The following GAS7 variants were observed in gnomAD, a reference collection of about 807,000 sequenced individuals.
GAS7 encodes the protein growth arrest specific 7, also known as growth arrest-specific protein 7.
Under a neutral mutation model 71.1 loss-of-function variants are expected in GAS7, and 28 were observed. That is an observed-to-expected ratio of 0.39 (90% CI 0.29 to 0.54). The LOEUF (loss-of-function observed/expected upper bound fraction) is 0.54, where lower values mean the gene tolerates loss of function less well. GAS7 is among the 20% of genes least tolerant of loss of function. The pLI, the probability that GAS7 is intolerant of heterozygous loss-of-function variation, is 0.62. For missense variants in GAS7, 436 were observed against 627.8 expected, an observed-to-expected ratio of 0.69 and a Z score of 3.27; for synonymous variants, 258 against 245.8, an observed-to-expected ratio of 1.05 and a Z score of -0.46.
chr17:10,160,848 G>A (rs930075150), intron 1 of GAS7, among the ~76,000 whole-genome samples: 13 of 151,908 alleles, frequency 8.6e-5, no homozygotes, highest in African/African-American at 1.7e-4. Context: ...CCCAAGTAGC[G>A]GGAACTGCTG....
chr17:10,108,076 C>A (rs1239205261), intron 1 of GAS7, among the ~76,000 whole-genome samples: 1 of 151,560 alleles, frequency 6.6e-6, no homozygotes, highest in East Asian at 1.9e-4. Flanking sequence ...CAGAGGGGGT[C>A]TGGGCAAGAG....
rs963772440 is a variant in GAS7, at chr17:9,913,833, AT to A, written c.*3394del. On this transcript the variant is annotated 3_prime_UTR_variant, in exon 14 of 14. Transcript: ENST00000432992. The stretch of plus-strand genomic sequence containing the variant: ...CTTGGAACACCATTTGGCTTAAGGA[AT>A]TTTTTTTTTCTTTTTAAATCAGGCT... The A allele has an allele frequency of 4.4e-4, 98 of 225,020 alleles. No homozygotes were observed. The highest frequency in any genetic ancestry group is 7.6e-4 in the East Asian group (12 of 15,798). The allele number at this position is 225,020 out of a possible 1,614,324, so 13.9% of individuals were successfully genotyped here.
chr17:10,056,390 G>A (rs1191428444), intron 1 of GAS7, among the ~76,000 whole-genome samples: 1 of 152,164 alleles, frequency 6.6e-6, no homozygotes, highest in Non-Finnish European at 1.5e-5. Context: ...AGCTACTCAG[G>A]AGGCCGAGGT....
At chr17:10,003,957 C>A (rs773797983) in intron 2 of GAS7, among the ~76,000 whole-genome samples, 2 of 152,194 alleles carry the variant, frequency 1.3e-5, no homozygotes, top group African/African-American at 2.4e-5. Context: ...CTTCCTCCAA[C>A]AATAACAATC....
intron 1 of GAS7, among the ~76,000 whole-genome samples, chr17:10,020,723 G>A (rs2072234265): frequency 6.6e-6 from 1 of 151,992 alleles, no homozygotes. Context: ...ACCAGCCTGG[G>A]CAACACGGTG....
intron 1 of GAS7, among the ~76,000 whole-genome samples, chr17:10,156,426 G>A (rs545260843): frequency 7.2e-5 from 11 of 152,220 alleles, no homozygotes; most frequent in East Asian, 1.9e-4. Context: ...TTCCAAACTC[G>A]TCAAGAGAAG....
At chr17:10,171,973 T>C (rs2074338078) in intron 1 of GAS7, among the ~76,000 whole-genome samples, 1 of 152,138 alleles carries the variant, frequency 6.6e-6, no homozygotes, top group African/African-American at 2.4e-5. Flanking sequence ...TGTCATCACT[T>C]TTGTCTTCAA....
intron 1 of GAS7, among the ~76,000 whole-genome samples, chr17:10,050,398 T>C (rs2073046208): frequency 6.6e-6 from 1 of 152,150 alleles, no homozygotes; most frequent in Admixed American, 6.5e-5. Flanking sequence ...TCACATCTCA[T>C]CATTTTACAG....
intron 2 of GAS7, among the ~76,000 whole-genome samples, chr17:9,996,669 C>T (rs374367907): frequency 9.9e-5 from 15 of 151,270 alleles, no homozygotes; most frequent in East Asian, 3.9e-4. Context: ...GACAGAGGCT[C>T]GCTCTGTCGC....
chr17:9,938,750 G>A (rs967238510), intron 8 of GAS7, among the ~76,000 whole-genome samples: 30 of 152,074 alleles, frequency 2.0e-4, no homozygotes, highest in African/African-American at 4.3e-4. Context: ...AAGGAAACCC[G>A]GTAACTTTTA....
intron 2 of GAS7, among the ~76,000 whole-genome samples, chr17:9,985,941 C>G (rs3786088): frequency 0.088 from 13,419 of 152,292 alleles, 757 homozygotes; most frequent in African/African-American, 0.16. Context: ...AAATCTGCCT[C>G]AAGTCTTCTT....
Position 10,144,874 on chromosome 17 carries a change from C to A in GAS7, c.183+53334G>T, listed in dbSNP as rs556317059. 5.3e-5 allele frequency among the ~76,000 whole-genome samples: 8 copies of A among 152,282 alleles called. No individual in the cohort carries two copies. The South Asian group carries it at 1.2e-3, about 24-fold the overall frequency. On this transcript the variant is annotated intron_variant, in intron 1 of 13. Coordinates refer to ENST00000432992, the MANE Select transcript of GAS7 (RefSeq NM_201433.2). ...GTTGTTACATTTCTAAAAAAAAAGT[C>A]TTTTATGTCTTTGAGCTAGGTAAGA...
intron 8 of GAS7, among the ~76,000 whole-genome samples, chr17:9,938,936 T>C (rs189922585): frequency 6.6e-6 from 1 of 152,340 alleles, no homozygotes; most frequent in East Asian, 1.9e-4. Flanking sequence ...ATCCACACAG[T>C]AGCATGTATT....
chr17:10,041,978 T>C (rs1049071329), intron 1 of GAS7, among the ~76,000 whole-genome samples: 2 of 152,118 alleles, frequency 1.3e-5, no homozygotes, highest in African/African-American at 2.4e-5. Context: ...TTGTCCTCTG[T>C]AGGATGAATT....
chr17:10,172,563 C>A (rs1221778482), intron 1 of GAS7, among the ~76,000 whole-genome samples: 10 of 152,080 alleles, frequency 6.6e-5, no homozygotes, highest in Admixed American at 2.6e-4. Context: ...GGGAGACAAT[C>A]AAAGAAAAAA....
intron 1 of GAS7, among the ~76,000 whole-genome samples, chr17:10,089,107 G>C (rs951634919): frequency 2.0e-5 from 3 of 152,050 alleles, no homozygotes; most frequent in African/African-American, 7.2e-5. Context: ...GTTGCAGTGA[G>C]CAGAGATCGT....
intron 1 of GAS7, among the ~76,000 whole-genome samples, chr17:10,195,385 G>A (rs2074533782): frequency 6.6e-6 from 1 of 152,124 alleles, no homozygotes; most frequent in South Asian, 2.1e-4. Context: ...GAAGTATCCA[G>A]TGTGCACACA....
At chr17:10,015,478 G>A (rs1005116032) in intron 2 of GAS7, among the ~76,000 whole-genome samples, 1 of 152,200 alleles carries the variant, frequency 6.6e-6, no homozygotes, top group African/African-American at 2.4e-5. Flanking sequence ...CAGGCAGAAA[G>A]GCAGATAGAT....
At chr17:10,195,048 C>G (rs775346278) in intron 1 of GAS7, among the ~76,000 whole-genome samples, 3 of 152,098 alleles carry the variant, frequency 2.0e-5, no homozygotes, top group Non-Finnish European at 2.9e-5. Context: ...TGCACCACCC[C>G]GAGTAGGAAG....
Sources: gnomAD v4.1 joint callset for allele counts (sites outside exome capture counted in the v4.1 genomes callset) on GRCh38, gnomAD v4.1.1 for gene constraint, MANE v1.5 for transcripts, NCBI Gene and HGNC (gene_info 2026-07-23, HGNC 2026-07-21) for gene names.